The following GLB1 variants were observed in gnomAD, a reference collection of about 807,000 sequenced individuals.
GLB1 encodes the protein galactosidase beta 1.
Under a neutral mutation model 74.0 loss-of-function variants are expected in GLB1, and 56 were observed. The ratio of observed to expected loss-of-function variants is 0.76; its 90% CI spans 0.61 to 0.94. The LOEUF (loss-of-function observed/expected upper bound fraction) is 0.94, where lower values mean the gene tolerates loss of function less well. Among genes scored for constraint, GLB1 ranks in the 40% least tolerant of loss-of-function variants. The pLI is 0.00. For missense variants in GLB1, 787 were observed against 845.5 expected, an observed-to-expected ratio of 0.93 and a Z score of 0.86; for synonymous variants, 323 against 323.6, an observed-to-expected ratio of 1.00 and a Z score of 0.02.
the GLB1 span, among the ~76,000 whole-genome samples, chr3:32,978,547 T>C: frequency 1.3e-4 from 20 of 152,282 alleles, 1 homozygote; most frequent in African/African-American, 4.6e-4. Flanking sequence ...TTTTCTGCAA[T>C]GGATGAACAA....
At chr3:33,014,450 C>T (rs1002557344) in intron 14 of GLB1, 140 bp from the exon 15 acceptor site, 48 of 1,277,436 alleles carry the variant, frequency 3.8e-5, no homozygotes, top group African/African-American at 2.8e-4. Context: ...ATGTGTACAT[C>T]GAAGTAACAC....
chr3:33,079,772 C>T (rs565574444), intron 1 of GLB1, among the ~76,000 whole-genome samples: 5 of 152,214 alleles, frequency 3.3e-5, no homozygotes, highest in African/African-American at 9.6e-5. Context: ...AAAGAGAAGG[C>T]AGAGGAGAGA....
the GLB1 span, among the ~76,000 whole-genome samples, chr3:32,976,675 C>G: frequency 6.6e-6 from 1 of 152,250 alleles, no homozygotes; most frequent in South Asian, 2.1e-4. Flanking sequence ...CCCCTTAGCC[C>G]GTGGAAGCTT....
chr3:32,998,146 G>A lies in GLB1; in HGVS notation c.1735-802C>T, dbSNP rs530780387. ...TTCCCATAACAAAACTGAAAGTGGA[G>A]GATAAACTCCTAAAAAACAGGGACC... On this transcript the variant is annotated intron_variant, in intron 15 of 15. Coordinates refer to ENST00000307363, the MANE Select transcript of GLB1 (RefSeq NM_000404.4). Among the ~76,000 whole-genome samples the A allele has an allele frequency of 2.8e-4, 43 of 152,194 alleles. 1 individual carries two copies. The highest frequency in any genetic ancestry group is 4.7e-4 in the Non-Finnish European group (32 of 68,024).
At chr3:33,062,341 A>C (rs532668993) in intron 5 of GLB1, among the ~76,000 whole-genome samples, 2 of 151,878 alleles carry the variant, frequency 1.3e-5, no homozygotes, top group South Asian at 2.1e-4. Flanking sequence ...CTAATTTTTA[A>C]ATTTTTTGTA....
intron 15 of GLB1, 137 bp from the exon 16 acceptor site, chr3:32,997,481 C>G (rs1364161586): frequency 2.1e-6 from 3 of 1,405,068 alleles, no homozygotes; most frequent in African/African-American, 1.4e-5. Context: ...GACAGCCAGG[C>G]CCATGCCAGC....
chr3:33,014,784 T>C (rs1027557940), intron 14 of GLB1, among the ~76,000 whole-genome samples: 1 of 152,096 alleles, frequency 6.6e-6, no homozygotes, highest in Non-Finnish European at 1.5e-5. Context: ...CTGGCCAACA[T>C]GATGAAACCC....
In GLB1 at chr3:33,037,838, G is replaced by A. The variant is rs531988137; in HGVS notation, c.1068+8282C>T. On this transcript the variant is annotated intron_variant, in intron 10 of 15. Coordinates refer to ENST00000307363, the MANE Select transcript of GLB1 (RefSeq NM_000404.4). ...ACAATGACATAAGTGAAGAAAAACAGTAATAAAAATAACTGCTATGTATTA... is the reference window on the plus strand; with the variant it reads ...ACAATGACATAAGTGAAGAAAAACAATAATAAAAATAACTGCTATGTATTA... The A allele has an allele frequency of 2.4e-4, 36 of 152,212 alleles. No individual in the cohort carries two copies. The East Asian group carries it at 6.0e-3, about 25-fold the overall frequency. The allele number at this position is 152,212 out of a possible 1,614,324, so 9.4% of individuals were successfully genotyped here. A position where few individuals can be genotyped will look rare whatever the true frequency, so the allele number is the denominator to read the frequency against.
chr3:32,983,872 A>G, the GLB1 span, among the ~76,000 whole-genome samples: 1 of 150,858 alleles, frequency 6.6e-6, no homozygotes, highest in Non-Finnish European at 1.5e-5. Flanking sequence ...TTTTGTAGAG[A>G]CAGGGTCTCC....
chr3:33,068,795 T>A (rs1276546723), intron 3 of GLB1, 25 bp downstream of exon 3: 2 of 1,613,166 alleles, frequency 1.2e-6, no homozygotes, highest in South Asian at 1.1e-5. Context: ...ACACACCAGG[T>A]AGAGCCCAGT....
chr3:33,055,345 C>T (rs925699659), intron 6 of GLB1, among the ~76,000 whole-genome samples: 15 of 152,132 alleles, frequency 9.9e-5, no homozygotes, highest in Non-Finnish European at 1.6e-4. Context: ...GCTTTTTCAT[C>T]GCTGTGATGA....
chr3:33,054,803 A>G (rs1699147719), intron 6 of GLB1, among the ~76,000 whole-genome samples: 1 of 152,180 alleles, frequency 6.6e-6, no homozygotes, highest in Non-Finnish European at 1.5e-5. Context: ...AACAAAAAAG[A>G]ATTTCTCCAC....
rs566465919 is a variant in GLB1 at position 33,045,479 on chromosome 3, G to A, written c.1068+641C>T. 371 of 988,532 alleles carry A rather than the reference G, an allele frequency of 3.8e-4. 1 individual carries two copies. The highest frequency in any genetic ancestry group is 4.3e-4 in the Non-Finnish European group (358 of 831,782). The allele number at this position is 988,532 out of a possible 1,614,324, so 61.2% of individuals were successfully genotyped here. ...TCTGAAATCACATAGTCTGTATATT[G>A]GGCCACACATAAAAAGGAAAATAGT... On this transcript the variant is annotated intron_variant, in intron 10 of 15. Transcript: ENST00000307363.
chr3:33,033,824 C>A, intron 10 of GLB1: 1 of 328,480 alleles, frequency 3.0e-6, no homozygotes, highest in South Asian at 2.8e-5. Context: ...GAGGCACCAC[C>A]AGGAGCTGCC....
In GLB1 at chr3:33,051,055, C is replaced by T. The variant is rs554418710; in HGVS notation, c.955+703G>A. Among the ~76,000 whole-genome samples, 11 of 151,698 alleles carry T rather than the reference C, an allele frequency of 7.3e-5. No individual in the cohort carries two copies. In the South Asian group the frequency reaches 2.3e-3, roughly 32 times the overall value. On this transcript the variant is annotated intron_variant, in intron 9 of 15. Coordinates refer to ENST00000307363, the MANE Select transcript of GLB1 (RefSeq NM_000404.4). Reference sequence around the variant, plus strand: ...CACCCTGGCTAACACGGTGAAACCCCGTCTCTACTAAAAATACAAAAACAA... The same window carrying T: ...CACCCTGGCTAACACGGTGAAACCCTGTCTCTACTAAAAATACAAAAACAA...
At chr3:32,981,515 T>G in the GLB1 span, among the ~76,000 whole-genome samples, 16 of 151,958 alleles carry the variant, frequency 1.1e-4, no homozygotes, top group Non-Finnish European at 5.9e-5. Flanking sequence ...GGCTCACATC[T>G]GTAACCCCAG....
intron 15 of GLB1, among the ~76,000 whole-genome samples, chr3:33,000,086 T>C (rs1482184041): frequency 1.3e-5 from 2 of 151,820 alleles, no homozygotes; most frequent in African/African-American, 2.4e-5. Context: ...ACTACGGGCA[T>C]GCCCCACCAT....
rs58791404 is a variant in GLB1, at chr3:33,038,732, T to A, written c.1068+7388A>T. 2.8e-3 allele frequency among the ~76,000 whole-genome samples: 429 copies of A among 152,194 alleles called. 2 individuals are homozygous for A. Among genetic ancestry groups the A allele is most frequent in the African/African-American group, 9.3e-3 (386 of 41,522 alleles). On this transcript the variant is annotated intron_variant, in intron 10 of 15. Transcript: ENST00000307363. ...AAGAACCCTGGTAAATACTTCAAGC[T>A]CTCAGTTGAGACCCCTAAGAAAGTG...
At position 33,062,683 on chromosome 3, in the gene GLB1, G is replaced by A. The variant is rs192034560; in HGVS notation, c.552+2780C>T. Among the ~76,000 whole-genome samples the A allele has an allele frequency of 1.7e-3, 265 of 152,278 alleles. 2 individuals are homozygous for A. Among genetic ancestry groups the A allele is most frequent in the Admixed American group, 4.4e-3 (68 of 15,302 alleles). Reference sequence around the variant, plus strand: ...CGCACCTGTAGTCCCAGCTATTCAGGAGGCTGAGGCAGGAGGATCACTTGA... The same window carrying A: ...CGCACCTGTAGTCCCAGCTATTCAGAAGGCTGAGGCAGGAGGATCACTTGA... On this transcript the variant is annotated intron_variant, in intron 5 of 15. Transcript: ENST00000307363.
Sources: allele counts gnomAD v4.1 joint callset (sites outside exome capture counted in the v4.1 genomes callset), GRCh38; gene constraint gnomAD v4.1.1; transcripts MANE v1.5; gene names NCBI Gene and HGNC (gene_info 2026-07-23, HGNC 2026-07-21).